Variants in DACH1 observed in about 807,000 individuals in gnomAD.
The protein encoded by DACH1 is dachshund family transcription factor 1.
A neutral mutation model predicts 54.2 loss-of-function variants in DACH1; 12 were observed. The ratio of observed to expected loss-of-function variants is 0.22; its 90% CI spans 0.14 to 0.36. DACH1 has a LOEUF of 0.36. Among genes scored for constraint, DACH1 ranks in the 10% least tolerant of loss-of-function variants. DACH1 has a pLI of 1.00. For synonymous variants in DACH1, 386 were observed against 366.2 expected, an observed-to-expected ratio of 1.05 and a Z score of -0.62; for missense variants, 805 against 929.8, an observed-to-expected ratio of 0.87 and a Z score of 1.75.
intron 10 of DACH1, among the ~76,000 whole-genome samples, chr13:71,474,634 T>C (rs1195645802): frequency 6.6e-6 from 1 of 152,204 alleles, no homozygotes; most frequent in Non-Finnish European, 1.5e-5. Context: ...TTAAAGTGTA[T>C]ATAATGGCAT....
intron 5 of DACH1, among the ~76,000 whole-genome samples, chr13:71,558,890 G>C (rs1475857811): frequency 1.3e-5 from 2 of 152,018 alleles, no homozygotes; most frequent in East Asian, 3.9e-4. Context: ...AACCTATAAA[G>C]TGACTTTCTA....
intron 1 of DACH1, among the ~76,000 whole-genome samples, chr13:71,761,666 A>G (rs1207300216): frequency 6.6e-6 from 1 of 152,056 alleles, no homozygotes; most frequent in Non-Finnish European, 1.5e-5. Flanking sequence ...GCAGGTTTTG[A>G]TCCAGTAGGT....
chr13:71,699,914 A>G lies in DACH1; in HGVS notation c.849-18004T>C, dbSNP rs527915464. Among the ~76,000 whole-genome samples the G allele has an allele frequency of 3.9e-4, 59 of 152,336 alleles. No individual in the cohort carries two copies. In the Middle Eastern group the frequency reaches 0.01, roughly 26 times the overall value. On this transcript the variant is annotated intron_variant, in intron 1 of 10. Transcript: ENST00000613252. ...TGGATATTTTTACTTTCATTAAAAA[A>G]ATGTTAAAAGCAATGCTCCTGTTCT...
chr13:71,457,314 A>G (rs1875657773), intron 10 of DACH1, among the ~76,000 whole-genome samples: 1 of 152,016 alleles, frequency 6.6e-6, no homozygotes, highest in African/African-American at 2.4e-5. Context: ...GCAAGAGTTG[A>G]ATTGACACTT....
rs35310464 is a variant in DACH1, at chr13:71,798,323, CATATATATATATATATATATATATAT to C, written c.848+67573_848+67598del. Among the ~76,000 whole-genome samples, 90 of 96,504 alleles carry C rather than the reference CATATATATATATATATATATATATAT, an allele frequency of 9.3e-4. 4 individuals are homozygous for C. Among genetic ancestry groups the C allele is most frequent in the South Asian group, 2.1e-3 (7 of 3,276 alleles). The allele number at this position is 96,504 out of a possible 152,430, so 63.3% of individuals were successfully genotyped here. On this transcript the variant is annotated intron_variant, in intron 1 of 10. Coordinates refer to ENST00000613252, the MANE Select transcript of DACH1 (RefSeq NM_080759.6). Reference sequence around the variant, plus strand: ...GATTTTAAAGAGAACTTGTTACATACATATATATATATATATATATATATATATATATATATATATCCATTACCTAT... The same window carrying C: ...GATTTTAAAGAGAACTTGTTACATACATATATATATATATCCATTACCTAT...
chr13:71,519,591 T>C (rs1881418877), intron 6 of DACH1, among the ~76,000 whole-genome samples: 1 of 151,400 alleles, frequency 6.6e-6, no homozygotes. Context: ...TGTAATTGGG[T>C]TAAAGGTGAA....
intron 10 of DACH1, among the ~76,000 whole-genome samples, chr13:71,454,937 T>C (rs1010526760): frequency 6.6e-5 from 10 of 152,344 alleles, no homozygotes; most frequent in Admixed American, 6.5e-4. Context: ...TTCTGGTCAA[T>C]GTCACAGGTA....
intron 7 of DACH1, among the ~76,000 whole-genome samples, chr13:71,484,817 C>T (rs563961710): frequency 6.6e-6 from 1 of 152,176 alleles, no homozygotes; most frequent in South Asian, 2.1e-4. Context: ...CCTGTAACCC[C>T]AGCACTTTGG....
chr13:71,621,191 T>A (rs1417583507), intron 3 of DACH1, among the ~76,000 whole-genome samples: 1 of 151,934 alleles, frequency 6.6e-6, no homozygotes, highest in Non-Finnish European at 1.5e-5. Flanking sequence ...CCCAAGGAAG[T>A]AAGTACACTA....
intron 6 of DACH1, among the ~76,000 whole-genome samples, chr13:71,492,502 T>C (rs1879061452): frequency 1.3e-5 from 2 of 152,088 alleles, no homozygotes; most frequent in South Asian, 4.1e-4. Flanking sequence ...CTAAAAGAGA[T>C]AAAAAATGGC....
chr13:71,736,291 A>G (rs1293363579), intron 1 of DACH1, among the ~76,000 whole-genome samples: 1 of 152,206 alleles, frequency 6.6e-6, no homozygotes, highest in Non-Finnish European at 1.5e-5. Context: ...GCCATCACAT[A>G]TCAGATTCAT....
At chr13:71,837,318 C>T (rs1888831569) in intron 1 of DACH1, among the ~76,000 whole-genome samples, 1 of 152,042 alleles carries the variant, frequency 6.6e-6, no homozygotes, top group Non-Finnish European at 1.5e-5. Context: ...GATTCACCAA[C>T]TTCAATGGTA....
chr13:71,587,107 G>T (rs1039334707), intron 3 of DACH1, among the ~76,000 whole-genome samples: 2 of 152,034 alleles, frequency 1.3e-5, no homozygotes, highest in East Asian at 3.8e-4. Context: ...CAAACTCCAA[G>T]TGTTTTATCC....
chr13:71,464,520 G>T, intron 10 of DACH1: 1 of 387,230 alleles, frequency 2.6e-6, no homozygotes, highest in Non-Finnish European at 5.0e-6. Context: ...TATTTCATTA[G>T]CTCTTAAATA....
At position 71,808,552 on chromosome 13, in the gene DACH1, A is replaced by T. The variant is rs562913312; in HGVS notation, c.848+57370T>A. Among the ~76,000 whole-genome samples, 175 of 152,308 alleles carry T rather than the reference A, an allele frequency of 1.1e-3. 1 individual carries two copies. The highest frequency in any genetic ancestry group is 4.0e-3 in the African/African-American group (168 of 41,568). On this transcript the variant is annotated intron_variant, in intron 1 of 10. Coordinates refer to ENST00000613252, the MANE Select transcript of DACH1 (RefSeq NM_080759.6). ...AATGTAATCTATTTCTGCATCCTTCATAGAAGTAATTTTAATAAAACATCA... is the reference window on the plus strand; with the variant it reads ...AATGTAATCTATTTCTGCATCCTTCTTAGAAGTAATTTTAATAAAACATCA...
intron 6 of DACH1, among the ~76,000 whole-genome samples, chr13:71,498,509 G>A (rs2138226366): frequency 6.6e-6 from 1 of 152,240 alleles, no homozygotes; most frequent in South Asian, 2.1e-4. Context: ...GAGTTAAGAG[G>A]AAGCTCTAGG....
intron 1 of DACH1, among the ~76,000 whole-genome samples, chr13:71,790,828 A>G (rs577412870): frequency 6.6e-5 from 10 of 152,302 alleles, no homozygotes; most frequent in African/African-American, 1.4e-4. Flanking sequence ...ATGAAAGGCT[A>G]TTTAGTTAGG....
chr13:71,604,993 T>C (rs1002982093), intron 3 of DACH1, among the ~76,000 whole-genome samples: 3 of 151,918 alleles, frequency 2.0e-5, no homozygotes, highest in African/African-American at 7.3e-5. Context: ...TATAAATGTA[T>C]ACATGCATAA....
At chr13:71,769,467 G>A (rs931896192) in intron 1 of DACH1, among the ~76,000 whole-genome samples, 2 of 151,656 alleles carry the variant, frequency 1.3e-5, no homozygotes, top group Non-Finnish European at 3.0e-5. Flanking sequence ...CCTAGAGTGA[G>A]AAATTAAGTA....
Sources: allele counts gnomAD v4.1 joint callset (sites outside exome capture counted in the v4.1 genomes callset), GRCh38; gene constraint gnomAD v4.1.1; transcripts MANE v1.5; gene names NCBI Gene and HGNC (gene_info 2026-07-23, HGNC 2026-07-21).